The following DHDH variants were observed in gnomAD, a reference collection of about 807,000 sequenced individuals.
The protein encoded by DHDH is trans-1,2-dihydrobenzene-1,2-diol dehydrogenase.
In DHDH, 29 loss-of-function variants were observed where a neutral mutation model predicts 33.2. That is an observed-to-expected ratio of 0.87 (90% CI 0.65 to 1.19). DHDH has a LOEUF of 1.19. DHDH is among the 50% of genes most tolerant of loss of function. The pLI, the probability that DHDH is intolerant of heterozygous loss-of-function variation, is 0.00. For missense variants in DHDH, 431 were observed against 455.0 expected (o/e 0.95, Z 0.48); for synonymous variants, 201 against 187.9 (o/e 1.07, Z -0.57).
chr19:48,942,513 CGTGCAGCTCTCCA>C lies in DHDH; in HGVS notation c.694_706del (p.Val232ThrfsTer5). The C allele has an allele frequency of 3.1e-6, 5 of 1,613,868 alleles. No individual in the cohort carries two copies. The highest frequency in any genetic ancestry group is 4.2e-6 in the Non-Finnish European group (5 of 1,179,910). Reference sequence around the variant, plus strand: ...ATGGCAGCTTCACCTGCAGCATCACCGTGCAGCTCTCCAACACGGCCTCCGTGAGCGGCACCAA... The same window carrying C: ...ATGGCAGCTTCACCTGCAGCATCACCACACGGCCTCCGTGAGCGGCACCAA... On this transcript the variant is annotated frameshift_variant, in exon 5 of 7. Coordinates refer to ENST00000221403, the MANE Select transcript of DHDH (RefSeq NM_014475.4). LOFTEE classifies it high-confidence loss of function.
intron 3 of DHDH, 90 bp downstream of exon 3, chr19:48,936,285 G>T: frequency 7.0e-7 from 1 of 1,430,500 alleles, no homozygotes; most frequent in Non-Finnish European, 9.2e-7. Flanking sequence ...CAGTGCATTT[G>T]CCAGGATGTA....
chr19:48,939,287 A>C (rs1366040236), intron 3 of DHDH, among the ~76,000 whole-genome samples, 162 bp from the exon 4 acceptor site: 1 of 151,974 alleles, frequency 6.6e-6, no homozygotes, highest in Non-Finnish European at 1.5e-5. Flanking sequence ...TCAAAAAAAA[A>C]AGAAAAAGAA....
Position 48,936,086 on chromosome 19 carries a change from G to C in DHDH, c.257G>C (p.Cys86Ser). The change falls in exon 3 of 7, where the codon TGC becomes TCC. Residue 86 changes from cysteine (C) to serine (S), a missense_variant. Physicochemically the swap from Cys to Ser is moderately radical, Grantham distance 112. Coordinates refer to ENST00000221403, the MANE Select transcript of DHDH (RefSeq NM_014475.4). ...CAGCACAAGGCGGCGGTGATGCTGT[G>C]CTTGGCGGCGGGCAAGGCCGTTCTG... Reference protein sequence around the residue: ...HPQHKAAVMLCLAAGKAVLCE... With the variant: ...HPQHKAAVMLSLAAGKAVLCE... The C allele has an allele frequency of 6.2e-7, 1 of 1,611,252 alleles. No individual in the cohort carries two copies. The highest frequency in any genetic ancestry group is 8.5e-7 in the Non-Finnish European group (1 of 1,179,304).
At chr19:48,934,733 T>C (rs984289105) in intron 1 of DHDH, among the ~76,000 whole-genome samples, 5 of 73,814 alleles carry the variant, frequency 6.8e-5, no homozygotes, top group Admixed American at 5.1e-4. Flanking sequence ...TGATCTCTCT[T>C]TCTTTTCCCC....
At chr19:48,932,877 A>G (rs1163262027), upstream of DHDH, among the ~76,000 whole-genome samples, 3 of 152,098 alleles carry the variant, frequency 2.0e-5, no homozygotes, top group African/African-American at 7.2e-5. Flanking sequence ...CCTCCTCACA[A>G]CCCTATGTAG....
At chr19:48,934,841 G>A (rs2037749008) in intron 1 of DHDH, among the ~76,000 whole-genome samples, 159 bp from the exon 2 acceptor site, 1 of 152,082 alleles carries the variant, frequency 6.6e-6, no homozygotes, top group African/African-American at 2.4e-5. Context: ...CTTTCCCCCA[G>A]ATCTCTCTTT....
upstream of DHDH, chr19:48,933,698 T>C: frequency 6.2e-7 from 1 of 1,612,428 alleles, no homozygotes. Flanking sequence ...GGACCGAAGG[T>C]GCCGAGGGCT....
At chr19:48,937,736 C>T (rs2037799736) in intron 3 of DHDH, among the ~76,000 whole-genome samples, 1 of 150,642 alleles carries the variant, frequency 6.6e-6, no homozygotes, top group South Asian at 2.1e-4. Context: ...GGCGTGAACC[C>T]GGGAGGCGGA....
At chr19:48,944,682 A>T in intron 6 of DHDH, 142 bp from the exon 7 acceptor site, 1 of 1,196,794 alleles carries the variant, frequency 8.4e-7, no homozygotes, top group South Asian at 1.5e-5. Context: ...ACTCCAAAAA[A>T]AGAACTATAT....
Position 48,933,816 on chromosome 19 carries a change from G to A in DHDH, c.90+5G>A. On this transcript the variant is annotated splice_donor_5th_base_variant and intron_variant, in intron 1 of 6. Coordinates refer to ENST00000221403, the MANE Select transcript of DHDH (RefSeq NM_014475.4). The stretch of plus-strand genomic sequence containing the variant: ...CTGCCTCGCTCTGAGCACCAGGTCT[G>A]CCCGCCCTCCGGATTCTGGGGAAGA... The A allele has an allele frequency of 1.2e-6, 2 of 1,607,854 alleles. No individual in the cohort carries two copies. The highest frequency in any genetic ancestry group is 1.7e-6 in the Non-Finnish European group (2 of 1,179,812).
chr19:48,936,287 C>G, intron 3 of DHDH, 92 bp downstream of exon 3: 1 of 1,415,144 alleles, frequency 7.1e-7, no homozygotes, highest in Non-Finnish European at 9.3e-7. Flanking sequence ...GTGCATTTGC[C>G]AGGATGTATC....
At chr19:48,942,625 G>A in intron 5 of DHDH, 61 bp downstream of exon 5, 2 of 1,569,254 alleles carry the variant, frequency 1.3e-6, no homozygotes, top group Non-Finnish European at 8.7e-7. Flanking sequence ...GGGGACAAAT[G>A]GCCTCTGGAG....
In DHDH at chr19:48,942,470, A is replaced by G. The variant is rs1008500744; in HGVS notation, c.650A>G (p.Gln217Arg). The change falls in exon 5 of 7, where the codon CAG (glutamine) becomes CGG (arginine). Residue 217 changes from glutamine to arginine, a missense_variant. Gln to Arg is a conservative substitution (Grantham distance 43). Transcript: ENST00000221403. Reference sequence around the variant, plus strand: ...GATGACACTGTCACGGTGCTCCTGCAGTACCCAGGGGAGGTCCATGGCAGC... The same window carrying G: ...GATGACACTGTCACGGTGCTCCTGCGGTACCCAGGGGAGGTCCATGGCAGC... Reference protein sequence around the residue: ...GVDDTVTVLLQYPGEVHGSFT... With the variant: ...GVDDTVTVLLRYPGEVHGSFT... 1.9e-6 allele frequency: 3 copies of G among 1,612,746 alleles called. No homozygotes were observed. Among genetic ancestry groups the G allele is most frequent in the African/African-American group, 1.3e-5 (1 of 74,914 alleles).
intron 4 of DHDH, 31 bp from the exon 5 acceptor site, chr19:48,942,409 G>T: frequency 6.4e-7 from 1 of 1,562,072 alleles, no homozygotes; most frequent in South Asian, 1.2e-5. Flanking sequence ...TGCCCTGAGA[G>T]ACCCTGCCCT....
chr19:48,942,398 C>G (rs2037876632), intron 4 of DHDH, 42 bp from the exon 5 acceptor site: 1 of 1,537,638 alleles, frequency 6.5e-7, no homozygotes, highest in Admixed American at 1.8e-5. Context: ...CTCAGAGACT[C>G]TGCCCTGAGA....
chr19:48,944,316 C>T (rs751809609), intron 5 of DHDH, 41 bp from the exon 6 acceptor site: 34 of 1,611,834 alleles, frequency 2.1e-5, no homozygotes, highest in East Asian at 4.5e-5. Context: ...TCAGCAGCAC[C>T]GTTGGTGAAG....
chr19:48,943,775 G>A (rs1278826716), intron 5 of DHDH, among the ~76,000 whole-genome samples: 5 of 150,568 alleles, frequency 3.3e-5, no homozygotes, highest in Non-Finnish European at 1.5e-5. Flanking sequence ...GCAGTGACCC[G>A]AGATCGAGCC....
intron 1 of DHDH, 117 bp from the exon 2 acceptor site, chr19:48,934,883 T>C: frequency 1.4e-6 from 1 of 705,824 alleles, no homozygotes; most frequent in South Asian, 2.6e-5. Flanking sequence ...CCCCGTCATC[T>C]CTTCCCCCAG....
intron 4 of DHDH, among the ~76,000 whole-genome samples, chr19:48,941,007 A>C (rs550756123): frequency 1.4e-4 from 21 of 152,024 alleles, no homozygotes; most frequent in Non-Finnish European, 2.5e-4. Context: ...AAAAAAAAAA[A>C]AAAACTTAGT....
Sources: allele counts gnomAD v4.1 joint callset (sites outside exome capture counted in the v4.1 genomes callset), GRCh38; gene constraint gnomAD v4.1.1; transcripts MANE v1.5; gene names NCBI Gene and HGNC (gene_info 2026-07-23, HGNC 2026-07-21).